The following RRM2 variants were observed in gnomAD, a reference collection of about 807,000 sequenced individuals.
The protein encoded by RRM2 is ribonucleoside-diphosphate reductase subunit M2.
A neutral mutation model predicts 45.9 loss-of-function variants in RRM2; 6 were observed. The observed-to-expected ratio is 0.13, with a 90% confidence interval of 0.07 to 0.26. The LOEUF (loss-of-function observed/expected upper bound fraction) is 0.26, where lower values mean the gene tolerates loss of function less well. Ranked by LOEUF, RRM2 falls within the 10% of genes least tolerant of loss-of-function variation. The pLI, the probability that RRM2 is intolerant of heterozygous loss-of-function variation, is 1.00. For synonymous variants in RRM2, 177 were observed against 173.0 expected, an observed-to-expected ratio of 1.02 and a Z score of -0.18; for missense variants, 343 against 489.5, an observed-to-expected ratio of 0.70 and a Z score of 2.82.
rs1664248591 is a variant in RRM2 at position 10,189,912 on chromosome 2, T to C, written n.483-20399T>C. Among the ~76,000 whole-genome samples, 3 of 152,238 alleles carry C rather than the reference T, an allele frequency of 2.0e-5. No homozygotes were observed. In the South Asian group the frequency reaches 6.2e-4, roughly 32 times the overall value. On this transcript the variant is annotated intron_variant and non_coding_transcript_variant, in intron 3 of 3. Transcript: ENST00000381786. ...TCTGTTCCCTTCCCTCGAGAGGGTC[T>C]TCAAGTGGTGAATGGAGATGATGGT... is the stretch of plus-strand genomic sequence containing the variant.
At chr2:10,196,623 G>T (rs1558404929) in intron 3 of RRM2, among the ~76,000 whole-genome samples, 1 of 152,176 alleles carries the variant, frequency 6.6e-6, no homozygotes, top group Non-Finnish European at 1.5e-5. Context: ...CCCATGGGGG[G>T]CCGGGCTCCG....
chr2:10,186,741 AACTT>A (rs1022275551), intron 3 of RRM2, among the ~76,000 whole-genome samples: 6 of 152,210 alleles, frequency 3.9e-5, no homozygotes, highest in Non-Finnish European at 7.3e-5. Flanking sequence ...GTGCTCAGCG[AACTT>A]ACTTACCACT....
rs764915268 is a variant in RRM2 at position 10,122,792 on chromosome 2, C to T, written c.-7C>T. On this transcript the variant is annotated 5_prime_UTR_variant, in exon 1 of 10. Coordinates refer to ENST00000304567, the MANE Select transcript of RRM2 (RefSeq NM_001034.4). ...GGCTGCTCGCTCTGCTTCGCTGCGC[C>T]TCCACTATGCTCTCCCTCCGTGTCC... is the stretch of plus-strand genomic sequence containing the variant. 3.8e-6 allele frequency: 6 copies of T among 1,583,424 alleles called. No homozygotes were observed. In the Admixed American group the frequency reaches 7.3e-5, roughly 19 times the overall value.
chr2:10,200,409 A>G (rs1664526177), intron 3 of RRM2, among the ~76,000 whole-genome samples: 1 of 140,488 alleles, frequency 7.1e-6, no homozygotes, highest in African/African-American at 2.7e-5. Context: ...TGCGCGCACA[A>G]AATATGAGGC....
chr2:10,123,481 T>C lies in RRM2; in HGVS notation c.269T>C (p.Ile90Thr). 1.2e-6 allele frequency: 2 copies of C among 1,614,162 alleles called. No individual in the cohort carries two copies. The highest frequency in any genetic ancestry group is 1.7e-6 in the Non-Finnish European group (2 of 1,180,032). Reference sequence around the variant, plus strand: ...ATCTTCCCCATCGAGTACCATGATATCTGGCAGATGTATAAGAAGGCAGAG... The same window carrying C: ...ATCTTCCCCATCGAGTACCATGATACCTGGCAGATGTATAAGAAGGCAGAG... ...FVIFPIEYHD[I>T]WQMYKKAEAS... is the part of the protein sequence containing the mutation. Residue 90 changes from isoleucine to threonine, a missense_variant, in exon 3 of 10, where the codon ATC (isoleucine) becomes ACC (threonine). This residue lies in a region of RRM2 where 131 missense variants were observed against 121.4 expected (regional missense o/e 1.08). Coordinates refer to ENST00000304567, the MANE Select transcript of RRM2 (RefSeq NM_001034.4).
chr2:10,166,336 G>A (rs1663679990), intron 3 of RRM2, among the ~76,000 whole-genome samples: 1 of 152,224 alleles, frequency 6.6e-6, no homozygotes, highest in Admixed American at 6.5e-5. Flanking sequence ...CTTCTCCCGG[G>A]CCCTGCTGTC....
Position 10,122,790 on chromosome 2 carries a change from G to A in RRM2, c.-9G>A, listed in dbSNP as rs776476945. ...CTGGCTGCTCGCTCTGCTTCGCTGC[G>A]CCTCCACTATGCTCTCCCTCCGTGT... On this transcript the variant is annotated 5_prime_UTR_variant, in exon 1 of 10. Coordinates refer to ENST00000304567, the MANE Select transcript of RRM2 (RefSeq NM_001034.4). 1.0e-5 allele frequency: 16 copies of A among 1,579,894 alleles called. No individual in the cohort carries two copies. Among genetic ancestry groups the A allele is most frequent in the Admixed American group, 5.5e-5 (3 of 54,290 alleles).
At chr2:10,183,685 A>T (rs1195074236) in intron 3 of RRM2, among the ~76,000 whole-genome samples, 11 of 152,026 alleles carry the variant, frequency 7.2e-5, no homozygotes, top group Admixed American at 7.2e-4. Context: ...CCCTGTCTCT[A>T]CTAAAAATAA....
At chr2:10,123,620 C>G in intron 3 of RRM2, 90 bp downstream of exon 3, 3 of 1,518,694 alleles carry the variant, frequency 2.0e-6, no homozygotes, top group Non-Finnish European at 2.7e-6. Context: ...GCAAGGGGGG[C>G]TAACTGTGGG....
In RRM2 at chr2:10,195,450, G is replaced by T. The variant is rs1572530868; in HGVS notation, n.483-14861G>T. On this transcript the variant is annotated intron_variant and non_coding_transcript_variant, in intron 3 of 3. Transcript: ENST00000381786. This position sits in a 1 kb window ranked among gnomAD's most constrained non-coding sequence, Gnocchi z 4.9. ...CGTGATGGGTCCCTGAAGCACCGGA[G>T]CCAGCAGCAGGAGCATGCGGGGGAG... Among the ~76,000 whole-genome samples, 1 of 152,202 alleles carries T rather than the reference G, an allele frequency of 6.6e-6. No individual in the cohort carries two copies. Among genetic ancestry groups the T allele is most frequent in the Non-Finnish European group, 1.5e-5 (1 of 68,032 alleles).
intron 2 of RRM2, 142 bp from the exon 3 acceptor site, chr2:10,123,245 G>A (rs1356486010): frequency 4.6e-6 from 6 of 1,295,406 alleles, no homozygotes; most frequent in Non-Finnish European, 6.2e-6. Context: ...CCTCTGCTGC[G>A]ACCCACGGAG....
chr2:10,152,508 A>G (rs1253959947), intron 3 of RRM2, among the ~76,000 whole-genome samples: 1 of 136,306 alleles, frequency 7.3e-6, no homozygotes, highest in African/African-American at 2.8e-5. Context: ...TTATTTTTTG[A>G]GTCTCGCTGT....
At chr2:10,182,943 C>T (rs537254398) in intron 3 of RRM2, among the ~76,000 whole-genome samples, 5 of 152,104 alleles carry the variant, frequency 3.3e-5, no homozygotes, top group Non-Finnish European at 5.9e-5. Flanking sequence ...TTTGAGAGGC[C>T]GAGGTGGGAG....
rs1662851026 is a variant in RRM2 at position 10,129,385 on chromosome 2, AAATG to A, written c.*2_*5del. On this transcript the variant is annotated stop_retained_variant and 3_prime_UTR_variant, in exon 10 of 10. Transcript: ENST00000304567. The surrounding 1 kb of genome is among the most constrained non-coding windows in gnomAD (Gnocchi z 4.8). The stretch of plus-strand genomic sequence containing the variant: ...TCTTTTACCTTGGATGCTGACTTCT[AAATG>A]AACTGAAGATGTGCCCTTACTTGGC... 1 of 1,603,094 alleles carries A rather than the reference AAATG, an allele frequency of 6.2e-7. No individual in the cohort carries two copies. Among genetic ancestry groups the A allele is most frequent in the African/African-American group, 1.3e-5 (1 of 74,278 alleles).
intron 3 of RRM2, among the ~76,000 whole-genome samples, chr2:10,190,435 G>GTTA (rs1553328095): frequency 1.3e-4 from 16 of 123,702 alleles, no homozygotes; most frequent in Non-Finnish European, 2.3e-4. Flanking sequence ...GGTGATGAGT[G>GTTA]TGATGATGAT....
rs567032002 is a variant in RRM2 at position 10,182,378 on chromosome 2, C to A, written n.483-27933C>A. Among the ~76,000 whole-genome samples the A allele has an allele frequency of 3.3e-5, 5 of 151,670 alleles. No individual in the cohort carries two copies. The South Asian group carries it at 6.3e-4, about 19-fold the overall frequency. Reference sequence around the variant, plus strand: ...ACAAACAAACAAACAAAAAAAAACCCAAAAAAAATCCCACAAAAAACAAAA... The same window carrying A: ...ACAAACAAACAAACAAAAAAAAACCAAAAAAAAATCCCACAAAAAACAAAA... On this transcript the variant is annotated intron_variant and non_coding_transcript_variant, in intron 3 of 3. Transcript: ENST00000381786.
At position 10,171,933 on chromosome 2, in the gene RRM2, C is replaced by T. The variant is rs1024044669; in HGVS notation, n.482+29558C>T. On this transcript the variant is annotated intron_variant and non_coding_transcript_variant, in intron 3 of 3. Coordinates refer to the RRM2 transcript ENST00000381786. This position sits in a 1 kb window ranked among gnomAD's most constrained non-coding sequence, Gnocchi z 4.1. ...GAGAAGACAGGAGCTGTGAGGTGTC[C>T]CCACCTGTCCAGAGGCTGGGAAAAC... Among the ~76,000 whole-genome samples, 4 of 152,118 alleles carry T rather than the reference C, an allele frequency of 2.6e-5. No homozygotes were observed. Among genetic ancestry groups the T allele is most frequent in the Admixed American group, 6.5e-5 (1 of 15,270 alleles).
intron 3 of RRM2, among the ~76,000 whole-genome samples, chr2:10,187,995 C>T (rs933732980): frequency 5.9e-5 from 9 of 152,168 alleles, no homozygotes; most frequent in South Asian, 4.1e-4. Context: ...AAACTCGGGG[C>T]GGTGGGGTCT....
chr2:10,129,991 C>T lies in RRM2; in HGVS notation c.*605C>T, dbSNP rs1224730997. The T allele has an allele frequency of 1.3e-5, 2 of 152,180 alleles. No homozygotes were observed. Among genetic ancestry groups the T allele is most frequent in the Non-Finnish European group, 2.9e-5 (2 of 68,100 alleles). 9.4% of individuals were successfully genotyped at this position (152,180 alleles called of 1,614,324 possible). A position where few individuals can be genotyped will look rare whatever the true frequency, so the allele number is the denominator to read the frequency against. On this transcript the variant is annotated 3_prime_UTR_variant, in exon 10 of 10. Transcript: ENST00000304567. This position sits in a 1 kb window ranked among gnomAD's most constrained non-coding sequence, Gnocchi z 4.8. Reference sequence around the variant, plus strand: ...AACTTTAAAGTCAGTCCTGTGTATACCTAGATATTAGTCAGTTGGTGCCAG... The same window carrying T: ...AACTTTAAAGTCAGTCCTGTGTATATCTAGATATTAGTCAGTTGGTGCCAG...
Sources: allele counts gnomAD v4.1 joint callset (sites outside exome capture counted in the v4.1 genomes callset), GRCh38; gene constraint gnomAD v4.1.1; regional missense constraint gnomAD v4.1.1; non-coding constraint Gnocchi (gnomAD v3.1); transcripts MANE v1.5; gene names NCBI Gene and HGNC (gene_info 2026-07-23, HGNC 2026-07-21).